Variants in GPC6 observed in about 807,000 individuals in gnomAD.
GPC6 encodes glypican 6, also known as glypican-6.
In GPC6, 14 loss-of-function variants were observed where a neutral mutation model predicts 55.2. That is an observed-to-expected ratio of 0.25 (90% CI 0.17 to 0.40). GPC6 has a LOEUF of 0.40. Among genes scored for constraint, GPC6 ranks in the 10% least tolerant of loss-of-function variants. The pLI is 1.00. For missense variants in GPC6, 641 were observed against 708.5 expected, an observed-to-expected ratio of 0.90 and a Z score of 1.08; for synonymous variants, 278 against 259.6, an observed-to-expected ratio of 1.07 and a Z score of -0.68.
chr13:93,340,789 AT>A (rs144145258), intron 1 of GPC6, among the ~76,000 whole-genome samples: 1 of 151,658 alleles, frequency 6.6e-6, no homozygotes, highest in Admixed American at 6.6e-5. Context: ...ATTTATTTTT[AT>A]TTTTTTTATT....
At chr13:93,667,906 C>CT (rs1881211084) in intron 2 of GPC6, among the ~76,000 whole-genome samples, 1 of 152,154 alleles carries the variant, frequency 6.6e-6, no homozygotes, top group African/African-American at 2.4e-5. Context: ...AAAATTGTAG[C>CT]TTTTTTGCTT....
At chr13:93,799,735 T>C (rs1352093113) in intron 2 of GPC6, among the ~76,000 whole-genome samples, 1 of 152,180 alleles carries the variant, frequency 6.6e-6, no homozygotes, top group Non-Finnish European at 1.5e-5. Flanking sequence ...TGATACTGTA[T>C]GGAAAGCATG....
At chr13:94,011,000 T>C (rs2138699075) in intron 3 of GPC6, among the ~76,000 whole-genome samples, 1 of 152,306 alleles carries the variant, frequency 6.6e-6, no homozygotes, top group Non-Finnish European at 1.5e-5. Context: ...TTTTCTAAAA[T>C]GTTTTTGTGC....
intron 1 of GPC6, among the ~76,000 whole-genome samples, chr13:93,346,123 A>G (rs1385029994): frequency 1.3e-5 from 2 of 152,234 alleles, no homozygotes; most frequent in African/African-American, 4.8e-5. Context: ...CTGTAGATCA[A>G]AGTACTTTGT....
At chr13:94,065,264 C>T (rs1016585324) in intron 4 of GPC6, among the ~76,000 whole-genome samples, 1 of 152,084 alleles carries the variant, frequency 6.6e-6, no homozygotes, top group African/African-American at 2.4e-5. Context: ...GAAACCAAGG[C>T]AGTGTGATCA....
intron 1 of GPC6, among the ~76,000 whole-genome samples, chr13:93,525,612 T>G (rs2139405888): frequency 6.6e-6 from 1 of 152,154 alleles, no homozygotes; most frequent in African/African-American, 2.4e-5. Flanking sequence ...ACTGAACTAA[T>G]TTTTGATTTG....
chr13:93,877,815 T>C (rs1874686931), intron 3 of GPC6, among the ~76,000 whole-genome samples: 1 of 152,052 alleles, frequency 6.6e-6, no homozygotes, highest in Non-Finnish European at 1.5e-5. Context: ...TACTTAGTCT[T>C]ATGTGATAAA....
chr13:94,113,786 T>C (rs1402017722), intron 4 of GPC6, among the ~76,000 whole-genome samples: 1 of 151,782 alleles, frequency 6.6e-6, no homozygotes, highest in African/African-American at 2.4e-5. Flanking sequence ...TTTGGGAGCC[T>C]GAGGTGAGAG....
intron 5 of GPC6, 69 bp downstream of exon 5, chr13:94,286,548 T>A: frequency 1.5e-6 from 2 of 1,370,210 alleles, no homozygotes; most frequent in Middle Eastern, 1.9e-4. Flanking sequence ...AAAAACGAAG[T>A]AACTAGATAT....
At chr13:93,942,009 C>A (rs1029900996) in intron 3 of GPC6, among the ~76,000 whole-genome samples, 1 of 152,108 alleles carries the variant, frequency 6.6e-6, no homozygotes, top group African/African-American at 2.4e-5. Context: ...CTGCGTTGGT[C>A]CAGCCTTATG....
At chr13:94,274,203 C>T (rs1464795087) in intron 4 of GPC6, among the ~76,000 whole-genome samples, 3 of 152,136 alleles carry the variant, frequency 2.0e-5, no homozygotes, top group African/African-American at 4.8e-5. Context: ...AATTATTTTC[C>T]GCCACAATTT....
intron 2 of GPC6, among the ~76,000 whole-genome samples, chr13:93,603,612 A>G (rs1056257531): frequency 3.9e-5 from 6 of 152,226 alleles, no homozygotes; most frequent in Non-Finnish European, 2.9e-5. Flanking sequence ...GCTCATAAGC[A>G]TCTCACTGCT....
chr13:93,915,612 G>T (rs1398314525), intron 3 of GPC6, among the ~76,000 whole-genome samples: 1 of 152,192 alleles, frequency 6.6e-6, no homozygotes, highest in Non-Finnish European at 1.5e-5. Flanking sequence ...TCAGTATCAG[G>T]AATGGCTGTA....
At chr13:93,694,183 C>T (rs1320477942) in intron 2 of GPC6, among the ~76,000 whole-genome samples, 1 of 152,080 alleles carries the variant, frequency 6.6e-6, no homozygotes, top group East Asian at 1.9e-4. Flanking sequence ...CTGTTAAGAA[C>T]TCTGTAAATT....
chr13:93,503,115 C>T (rs1231747413), intron 1 of GPC6, among the ~76,000 whole-genome samples: 3 of 152,126 alleles, frequency 2.0e-5, no homozygotes, highest in Non-Finnish European at 4.4e-5. Context: ...CATGGGCATA[C>T]CATCCTGTAT....
At chr13:94,393,753 C>T (rs1330631695) in intron 7 of GPC6, among the ~76,000 whole-genome samples, 1 of 152,098 alleles carries the variant, frequency 6.6e-6, no homozygotes, top group East Asian at 1.9e-4. Flanking sequence ...ACTTCTCAGA[C>T]CTACTGGCTT....
At chr13:94,342,004 G>C (rs1878065216) in intron 6 of GPC6, among the ~76,000 whole-genome samples, 1 of 152,182 alleles carries the variant, frequency 6.6e-6, no homozygotes, top group Admixed American at 6.5e-5. Context: ...CTCAAAGTAG[G>C]GTTCCCATAT....
intron 2 of GPC6, among the ~76,000 whole-genome samples, chr13:93,640,976 T>G (rs2083962076): frequency 6.6e-6 from 1 of 151,860 alleles, no homozygotes. Context: ...GAATCCTGTG[T>G]GTTCATTGGA....
chr13:93,561,836 C>A (rs1594269019), intron 2 of GPC6, among the ~76,000 whole-genome samples: 2 of 152,122 alleles, frequency 1.3e-5, no homozygotes, highest in Admixed American at 6.6e-5. Context: ...AAAAAATATG[C>A]CATTTGCCTT....
Sources: allele counts gnomAD v4.1 joint callset (sites outside exome capture counted in the v4.1 genomes callset), GRCh38; gene constraint gnomAD v4.1.1; transcripts MANE v1.5; gene names NCBI Gene and HGNC (gene_info 2026-07-23, HGNC 2026-07-21).